LDB2: variants seen among roughly 807,000 people sequenced by gnomAD.
LDB2 encodes LIM domain binding 2, also known as LIM domain-binding protein 2.
A neutral mutation model predicts 44.3 loss-of-function variants in LDB2; 12 were observed. The observed-to-expected ratio is 0.27, with a 90% CI of 0.17 to 0.44. LDB2 has a LOEUF of 0.44. Ranked by LOEUF, LDB2 falls within the 20% of genes least tolerant of loss-of-function variation. The probability of loss-of-function intolerance (pLI) is 1.00; values close to 1 mark genes in which losing one functional copy is unlikely to be tolerated. For missense variants in LDB2, 344 were observed against 473.5 expected (o/e 0.73, Z 2.54); for synonymous variants, 164 against 174.8 (o/e 0.94, Z 0.49).
intron 1 of LDB2, among the ~76,000 whole-genome samples, chr4:16,873,736 T>C (rs2110363761): frequency 6.6e-6 from 1 of 152,304 alleles, no homozygotes; most frequent in Non-Finnish European, 1.5e-5. Flanking sequence ...CATGATCCTA[T>C]TGACGTATAA....
At chr4:16,768,471 C>T (rs1004708036) in intron 1 of LDB2, among the ~76,000 whole-genome samples, 16 of 152,080 alleles carry the variant, frequency 1.1e-4, no homozygotes, top group African/African-American at 3.9e-4. Flanking sequence ...CTGAAATGAC[C>T]GAGGCAGAAA....
chr4:16,897,930 A>ATG (rs1725694634), intron 1 of LDB2, among the ~76,000 whole-genome samples: 5 of 17,674 alleles, frequency 2.8e-4, no homozygotes, highest in Non-Finnish European at 4.5e-4. Flanking sequence ...ATATATATAT[A>ATG]TATATATACA....
chr4:16,868,310 A>T (rs1196826713), intron 1 of LDB2, among the ~76,000 whole-genome samples: 2 of 152,194 alleles, frequency 1.3e-5, no homozygotes, highest in Non-Finnish European at 2.9e-5. Flanking sequence ...TATTACTCAA[A>T]AACTTTTTTA....
chr4:16,605,073 T>A (rs1402160676), intron 2 of LDB2, among the ~76,000 whole-genome samples: 32 of 152,162 alleles, frequency 2.1e-4, no homozygotes, highest in Non-Finnish European at 2.1e-4. Flanking sequence ...CAAATGCAAC[T>A]TTAGCTAGTT....
intron 2 of LDB2, among the ~76,000 whole-genome samples, chr4:16,741,000 A>G (rs1335658117): frequency 6.6e-6 from 1 of 152,226 alleles, no homozygotes; most frequent in Non-Finnish European, 1.5e-5. Flanking sequence ...AGCCTGTGGA[A>G]AAAAATGCAT....
At chr4:16,553,208 G>T (rs1738276361) in intron 5 of LDB2, among the ~76,000 whole-genome samples, 2 of 152,200 alleles carry the variant, frequency 1.3e-5, no homozygotes, top group South Asian at 4.1e-4. Context: ...AGGCTGGAGT[G>T]CAGTAGCAAT....
At chr4:16,770,907 C>T (rs1257833249) in intron 1 of LDB2, among the ~76,000 whole-genome samples, 2 of 152,112 alleles carry the variant, frequency 1.3e-5, no homozygotes, top group Admixed American at 6.5e-5. Context: ...CACCGCGCAT[C>T]GTATTACATC....
chr4:16,787,563 G>A (rs1400579948), intron 1 of LDB2, among the ~76,000 whole-genome samples: 1 of 152,146 alleles, frequency 6.6e-6, no homozygotes, highest in Non-Finnish European at 1.5e-5. Flanking sequence ...GCAGTGAGCT[G>A]TGATCACGCC....
At chr4:16,754,968 C>G (rs1766226927) in intron 2 of LDB2, among the ~76,000 whole-genome samples, 1 of 152,180 alleles carries the variant, frequency 6.6e-6, no homozygotes, top group South Asian at 2.1e-4. Context: ...GCCTCTCAGC[C>G]CTGCATTGCC....
chr4:16,820,684 T>C (rs1781785416), intron 1 of LDB2, among the ~76,000 whole-genome samples: 1 of 152,190 alleles, frequency 6.6e-6, no homozygotes, highest in Non-Finnish European at 1.5e-5. Context: ...TTCATGTGAA[T>C]ATGCAGCATT....
intron 2 of LDB2, among the ~76,000 whole-genome samples, chr4:16,747,247 A>G (rs1056887849): frequency 1.3e-5 from 2 of 152,190 alleles, no homozygotes; most frequent in Non-Finnish European, 2.9e-5. Flanking sequence ...GAACCTGAAT[A>G]ATAACTCTCA....
intron 1 of LDB2, among the ~76,000 whole-genome samples, chr4:16,788,480 C>A (rs1408262725): frequency 2.0e-5 from 3 of 152,202 alleles, no homozygotes; most frequent in African/African-American, 7.2e-5. Context: ...GGGGTAGAAT[C>A]CATTCAAGTG....
At chr4:16,896,910 C>T (rs1725170664) in intron 1 of LDB2, among the ~76,000 whole-genome samples, 1 of 152,178 alleles carries the variant, frequency 6.6e-6, no homozygotes, top group Admixed American at 6.5e-5. Context: ...GCCAACAGTT[C>T]ACTATCCTAA....
intron 1 of LDB2, among the ~76,000 whole-genome samples, chr4:16,799,587 T>C (rs1252561392): frequency 1.3e-5 from 2 of 152,200 alleles, no homozygotes; most frequent in Non-Finnish European, 2.9e-5. Flanking sequence ...CAGTTTTGTA[T>C]TGAATTTGAT....
At chr4:16,672,701 T>C (rs1321114904) in intron 2 of LDB2, among the ~76,000 whole-genome samples, 1 of 151,220 alleles carries the variant, frequency 6.6e-6, no homozygotes, top group Admixed American at 6.6e-5. Flanking sequence ...GGATCTCTAA[T>C]TAAACACAGT....
intron 1 of LDB2, among the ~76,000 whole-genome samples, chr4:16,808,625 T>C (rs764932131): frequency 3.3e-5 from 5 of 152,202 alleles, no homozygotes; most frequent in Non-Finnish European, 5.9e-5. Flanking sequence ...CTTACTTTTC[T>C]ACCAAAAGCC....
intron 1 of LDB2, among the ~76,000 whole-genome samples, chr4:16,790,020 A>G (rs1302845376): frequency 1.3e-5 from 2 of 152,214 alleles, no homozygotes; most frequent in Admixed American, 1.3e-4. Flanking sequence ...AGAGAGTTTT[A>G]GTTATCTGCT....
chr4:16,708,196 C>T, intron 2 of LDB2, among the ~76,000 whole-genome samples: 1 of 152,052 alleles, frequency 6.6e-6, no homozygotes, highest in East Asian at 1.9e-4. Flanking sequence ...AATGGTCAGC[C>T]CAGCAGGGTG....
In LDB2 at chr4:16,819,093, T is replaced by TGC. The variant is rs1491467433; in HGVS notation, c.133-59834_133-59833insGC. On this transcript the variant is annotated intron_variant, in intron 1 of 7. Transcript: ENST00000304523. ...ATCTTTCGTTTCAGTTGTGGTTGCT[T>TGC]GTGTGTGTGTGTGTGTGTGTGTGTG... 9.2e-4 allele frequency among the ~76,000 whole-genome samples: 6 copies of TGC among 6,514 alleles called. No homozygotes were observed. The Non-Finnish European group carries it at 0.022, about 23-fold the overall frequency. 4.3% of individuals were successfully genotyped at this position (6,514 alleles called of 152,430 possible). A position where few individuals can be genotyped will look rare whatever the true frequency, so the allele number is the denominator to read the frequency against.
Sources: gnomAD v4.1 joint callset for allele counts (sites outside exome capture counted in the v4.1 genomes callset) on GRCh38, gnomAD v4.1.1 for gene constraint, MANE v1.5 for transcripts, NCBI Gene and HGNC (gene_info 2026-07-23, HGNC 2026-07-21) for gene names.